The following ZNF652 variants were observed in gnomAD, a reference collection of about 807,000 sequenced individuals.
The protein encoded by ZNF652 is zinc finger protein 652.
In ZNF652, 16 loss-of-function variants were observed where a neutral mutation model predicts 45.2. The observed-to-expected ratio is 0.35, with a 90% confidence interval of 0.24 to 0.54. ZNF652 has a LOEUF of 0.54. ZNF652 is among the 20% of genes least tolerant of loss of function. ZNF652 has a pLI of 0.91. For missense variants in ZNF652, 614 were observed against 765.6 expected (o/e 0.80, Z 2.34); for synonymous variants, 250 against 260.6 (o/e 0.96, Z 0.39).
rs2069474643 is a variant in ZNF652 at position 49,296,175 on chromosome 17, T to C, written c.*2238A>G. The C allele has an allele frequency of 6.6e-6, 1 of 152,370 alleles. No individual in the cohort carries two copies. The highest frequency in any genetic ancestry group is 1.5e-5 in the Non-Finnish European group (1 of 68,026). 9.4% of individuals were successfully genotyped at this position (152,370 alleles called of 1,614,324 possible). A position where few individuals can be genotyped will look rare whatever the true frequency, so the allele number is the denominator to read the frequency against. ...ATATGCAAGGAATTAACTTTCCTTA[T>C]TGGCTTGGGTACCTGGGTGCTCAAA... On this transcript the variant is annotated 3_prime_UTR_variant, in exon 6 of 6. Transcript: ENST00000430262.
intron 1 of ZNF652, among the ~76,000 whole-genome samples, chr17:49,332,257 A>AAAAT (rs999692318): frequency 1.6e-4 from 24 of 152,298 alleles, no homozygotes; most frequent in Admixed American, 6.5e-4. Context: ...ACATTGCCTC[A>AAAAT]AAATAAATAA....
intron 2 of ZNF652, among the ~76,000 whole-genome samples, chr17:49,316,061 C>A (rs2069799875): frequency 6.6e-6 from 1 of 152,194 alleles, no homozygotes; most frequent in African/African-American, 2.4e-5. Flanking sequence ...TACGAATATT[C>A]ATTAATATGC....
rs114785171 is a variant in ZNF652, at chr17:49,352,983, A to G, written c.-259+8926T>C. On this transcript the variant is annotated intron_variant, in intron 1 of 5. Coordinates refer to ENST00000430262, the MANE Select transcript of ZNF652 (RefSeq NM_001145365.3). ...AGGGTGAGGGGAGGGTATGAGTGCAATGGGACAGTGGGAGGGAGTTATCTG... is the reference window on the plus strand; with the variant it reads ...AGGGTGAGGGGAGGGTATGAGTGCAGTGGGACAGTGGGAGGGAGTTATCTG... 5.0e-3 allele frequency among the ~76,000 whole-genome samples: 754 copies of G among 152,236 alleles called. 6 individuals are homozygous for G. Among genetic ancestry groups the G allele is most frequent in the African/African-American group, 0.016 (662 of 41,552 alleles).
intron 1 of ZNF652, among the ~76,000 whole-genome samples, chr17:49,322,710 C>T (rs1302762905): frequency 6.6e-6 from 1 of 152,076 alleles, no homozygotes; most frequent in African/African-American, 2.4e-5. Flanking sequence ...ATGGTGAAAC[C>T]CCGTCTCTAC....
chr17:49,292,214 C>CT lies in ZNF652; in HGVS notation c.*6198dup, dbSNP rs200069600. Among the ~76,000 whole-genome samples the CT allele has an allele frequency of 1.4e-3, 199 of 146,794 alleles. 1 individual carries two copies. The East Asian group carries it at 0.016, about 12-fold the overall frequency. ...TCAAATCTCCTCATTTGAAAGAGTTCTTTTTTTTTTTCCTTTTTCTCCAGT... is the reference window on the plus strand; with the variant it reads ...TCAAATCTCCTCATTTGAAAGAGTTCTTTTTTTTTTTTCCTTTTTCTCCAGT... On this transcript the variant is annotated 3_prime_UTR_variant, in exon 6 of 6. Transcript: ENST00000430262.
At chr17:49,325,846 T>C (rs2069950764) in intron 1 of ZNF652, among the ~76,000 whole-genome samples, 1 of 152,050 alleles carries the variant, frequency 6.6e-6, no homozygotes, top group African/African-American at 2.4e-5. Flanking sequence ...TTTTGGGGGT[T>C]TTTCCACAAA....
At position 49,291,792 on chromosome 17, in the gene ZNF652, T is replaced by C. The variant is rs920032731; in HGVS notation, c.*6621A>G. On this transcript the variant is annotated 3_prime_UTR_variant, in exon 6 of 6. Coordinates refer to ENST00000430262, the MANE Select transcript of ZNF652 (RefSeq NM_001145365.3). ...GATCAATAATGAGGAAGAAACATCA[T>C]GGCAAATCAAGTGAAAGGTAATTAA... 1 of 152,234 alleles carries C rather than the reference T, an allele frequency of 6.6e-6. No homozygotes were observed. Among genetic ancestry groups the C allele is most frequent in the Non-Finnish European group, 1.5e-5 (1 of 68,044 alleles). The allele number at this position is 152,234 out of a possible 1,614,324, so 9.4% of individuals were successfully genotyped here.
chr17:49,331,488 G>GT (rs1361088121), intron 1 of ZNF652, among the ~76,000 whole-genome samples: 2 of 152,076 alleles, frequency 1.3e-5, no homozygotes, highest in Admixed American at 1.3e-4. Flanking sequence ...TTTATCAGGT[G>GT]TAAGTATAGG....
At chr17:49,350,157 A>G (rs182172127) in intron 1 of ZNF652, among the ~76,000 whole-genome samples, 1 of 152,358 alleles carries the variant, frequency 6.6e-6, no homozygotes, top group East Asian at 1.9e-4. Context: ...TATGACTTTA[A>G]CAAAAGAAAC....
At chr17:49,338,012 G>C (rs573012811) in intron 1 of ZNF652, among the ~76,000 whole-genome samples, 2 of 152,214 alleles carry the variant, frequency 1.3e-5, no homozygotes, top group South Asian at 4.1e-4. Context: ...TTTTGAGACA[G>C]AGTCTCACTC....
chr17:49,311,522 C>A, intron 4 of ZNF652, 66 bp from the exon 5 acceptor site: 1 of 1,536,070 alleles, frequency 6.5e-7, no homozygotes, highest in South Asian at 1.2e-5. Context: ...CCCACCCTAA[C>A]ACAGTCTCTG....
In ZNF652 at chr17:49,294,157, GA is replaced by G. The variant is rs879711604; in HGVS notation, c.*4255del. Among the ~76,000 whole-genome samples the G allele has an allele frequency of 1.3e-5, 2 of 151,752 alleles. No individual in the cohort carries two copies. The highest frequency in any genetic ancestry group is 2.4e-5 in the African/African-American group (1 of 41,304). ...TATCTATTCAACAATCATAAAAACT[GA>G]AAAAAATTTCAAGAATTAAAAAATT... On this transcript the variant is annotated 3_prime_UTR_variant, in exon 6 of 6. Coordinates refer to ENST00000430262, the MANE Select transcript of ZNF652 (RefSeq NM_001145365.3).
chr17:49,320,882 T>TCA (rs1555627785), intron 1 of ZNF652, among the ~76,000 whole-genome samples: 5 of 110,328 alleles, frequency 4.5e-5, no homozygotes, highest in African/African-American at 1.8e-4. Flanking sequence ...AGACGGAGTC[T>TCA]CGCTGTCACC....
chr17:49,301,456 C>T (rs1031314520), intron 5 of ZNF652, among the ~76,000 whole-genome samples: 1 of 152,148 alleles, frequency 6.6e-6, no homozygotes, highest in African/African-American at 2.4e-5. Flanking sequence ...TGCCACCACA[C>T]CCAGCTAAGT....
At chr17:49,349,739 CA>C (rs1437887819) in intron 1 of ZNF652, among the ~76,000 whole-genome samples, 1 of 152,128 alleles carries the variant, frequency 6.6e-6, no homozygotes, top group African/African-American at 2.4e-5. Flanking sequence ...GGTACTATTG[CA>C]CAAGAACTAT....
chr17:49,331,385 T>C (rs1480537977), intron 1 of ZNF652, among the ~76,000 whole-genome samples: 1 of 152,100 alleles, frequency 6.6e-6, no homozygotes, highest in African/African-American at 2.4e-5. Flanking sequence ...CCTCCCAAAG[T>C]GCTGGGATTA....
At chr17:49,353,523 C>A (rs1473174734) in intron 1 of ZNF652, among the ~76,000 whole-genome samples, 1 of 151,684 alleles carries the variant, frequency 6.6e-6, no homozygotes, top group Non-Finnish European at 1.5e-5. Flanking sequence ...GTCACCCGGG[C>A]TAGAGTGATG....
chr17:49,348,723 T>A (rs747664178), intron 1 of ZNF652, among the ~76,000 whole-genome samples: 3 of 152,072 alleles, frequency 2.0e-5, no homozygotes, highest in Non-Finnish European at 4.4e-5. Flanking sequence ...ATAAATAATA[T>A]GATGTCTGGA....
chr17:49,288,541 C>T (rs1314794417), downstream of ZNF652: 3 of 152,108 alleles, frequency 2.0e-5, no homozygotes, highest in Non-Finnish European at 4.4e-5. Flanking sequence ...GCTCTGAGGG[C>T]AAGCTTCACA....
Sources: allele counts gnomAD v4.1 joint callset (sites outside exome capture counted in the v4.1 genomes callset), GRCh38; gene constraint gnomAD v4.1.1; transcripts MANE v1.5; gene names NCBI Gene and HGNC (gene_info 2026-07-23, HGNC 2026-07-21).